The following FER variants were observed in gnomAD, a reference collection of about 807,000 sequenced individuals.
FER encodes FER tyrosine kinase.
A neutral mutation model predicts 111.0 loss-of-function variants in FER; 63 were observed. The observed-to-expected ratio is 0.57, with a 90% CI of 0.46 to 0.70. The LOEUF is 0.70. Ranked by LOEUF, FER falls within the 30% of genes least tolerant of loss-of-function variation. The probability of loss-of-function intolerance (pLI) is 0.00; values close to 1 mark genes in which losing one functional copy is unlikely to be tolerated. For synonymous variants in FER, 327 were observed against 313.9 expected (o/e 1.04, Z -0.44); for missense variants, 914 against 954.0 (o/e 0.96, Z 0.55).
At position 108,785,022 on chromosome 5, in the gene FER, A is replaced by G. The variant is rs199858273; in HGVS notation, c.-59-13102A>G. On this transcript the variant is annotated intron_variant, in intron 2 of 19. Transcript: ENST00000281092. Reference sequence around the variant, plus strand: ...GTTCCCAACACCTGGGTGTATGCAGATACACTGTCTAGTATGAGAGTCACA... The same window carrying G: ...GTTCCCAACACCTGGGTGTATGCAGGTACACTGTCTAGTATGAGAGTCACA... The G allele has an allele frequency of 5.8e-5, 19 of 327,530 alleles. No homozygotes were observed. The East Asian group carries it at 1.3e-3, about 22-fold the overall frequency. 20.3% of individuals were successfully genotyped at this position (327,530 alleles called of 1,614,324 possible).
intron 17 of FER, among the ~76,000 whole-genome samples, chr5:109,173,614 G>C (rs1757363931): frequency 6.6e-6 from 1 of 152,132 alleles, no homozygotes; most frequent in Non-Finnish European, 1.5e-5. Context: ...ACCCAGGCCT[G>C]CTCAACCAGT....
chr5:109,034,730 C>T (rs1404419213), intron 13 of FER, among the ~76,000 whole-genome samples: 1 of 151,892 alleles, frequency 6.6e-6, no homozygotes, highest in Admixed American at 6.6e-5. Context: ...CAGTGGTTTG[C>T]ACTACAAGGA....
At chr5:109,038,104 A>G (rs990442582) in intron 14 of FER, among the ~76,000 whole-genome samples, 1 of 151,932 alleles carries the variant, frequency 6.6e-6, no homozygotes, top group Non-Finnish European at 1.5e-5. Flanking sequence ...AGTCAAGTAT[A>G]TGTTATTTAA....
chr5:108,853,933 T>TA (rs1415644006), intron 5 of FER, among the ~76,000 whole-genome samples: 1 of 152,230 alleles, frequency 6.6e-6, no homozygotes, highest in African/African-American at 2.4e-5. Flanking sequence ...AGGAGACAGT[T>TA]ACTTCCAGGC....
chr5:108,953,683 G>A (rs1581374049), intron 11 of FER, among the ~76,000 whole-genome samples: 3 of 151,962 alleles, frequency 2.0e-5, no homozygotes, highest in Admixed American at 2.0e-4. Context: ...GCCCTACCTA[G>A]AATTTATATC....
At chr5:109,094,508 C>T (rs1226662078) in intron 16 of FER, among the ~76,000 whole-genome samples, 1 of 152,026 alleles carries the variant, frequency 6.6e-6, no homozygotes, top group African/African-American at 2.4e-5. Context: ...TGGTCCAAGT[C>T]ATTTCATATA....
At chr5:108,764,317 A>G (rs1357768504) in intron 1 of FER, among the ~76,000 whole-genome samples, 1 of 152,090 alleles carries the variant, frequency 6.6e-6, no homozygotes, top group Admixed American at 6.5e-5. Flanking sequence ...TACTTCATTT[A>G]TTTTTTACCT....
chr5:108,931,395 A>G lies in FER; in HGVS notation c.1237-14735A>G, dbSNP rs558053029. On this transcript the variant is annotated intron_variant, in intron 10 of 19. Coordinates refer to ENST00000281092, the MANE Select transcript of FER (RefSeq NM_005246.4). ...AGCTACACTGAGATTTAATAAACTTATGTCACTGAACGAAGGATTTCTGAA... is the reference window on the plus strand; with the variant it reads ...AGCTACACTGAGATTTAATAAACTTGTGTCACTGAACGAAGGATTTCTGAA... Among the ~76,000 whole-genome samples the G allele has an allele frequency of 9.9e-5, 15 of 152,266 alleles. No homozygotes were observed. In the South Asian group the frequency reaches 3.1e-3, roughly 32 times the overall value.
intron 5 of FER, among the ~76,000 whole-genome samples, chr5:108,864,959 T>C: frequency 6.6e-6 from 1 of 151,964 alleles, no homozygotes; most frequent in Non-Finnish European, 1.5e-5. Context: ...AGTATGGCCA[T>C]TTTCACGATA....
At chr5:109,080,818 C>T (rs74395688) in intron 16 of FER, among the ~76,000 whole-genome samples, 13,288 of 152,000 alleles carry the variant, frequency 0.087, 716 homozygotes, top group Non-Finnish European at 0.13. Flanking sequence ...AAGATTGGAT[C>T]GAGAGTTGAG....
At chr5:109,101,031 G>A (rs922498946) in intron 17 of FER, among the ~76,000 whole-genome samples, 3 of 151,872 alleles carry the variant, frequency 2.0e-5, no homozygotes, top group Admixed American at 6.6e-5. Flanking sequence ...TCATGGCATC[G>A]TATTGAGAAA....
chr5:108,894,346 A>G (rs1581092429), intron 9 of FER: 1 of 980,224 alleles, frequency 1.0e-6, no homozygotes, highest in Middle Eastern at 4.0e-4. Context: ...AGGAGCCATC[A>G]CTGTTTCTGC....
At chr5:109,135,913 C>A (rs1202730569) in intron 17 of FER, among the ~76,000 whole-genome samples, 1 of 152,006 alleles carries the variant, frequency 6.6e-6, no homozygotes, top group Non-Finnish European at 1.5e-5. Context: ...GACCTTACTT[C>A]CTTCTGCTTG....
At chr5:109,120,707 A>T (rs1002613213) in intron 17 of FER, among the ~76,000 whole-genome samples, 1 of 152,048 alleles carries the variant, frequency 6.6e-6, no homozygotes. Context: ...GGACTTTTTA[A>T]CAATATTGAT....
intron 17 of FER, among the ~76,000 whole-genome samples, chr5:109,160,944 C>CTTGATATA (rs1755923911): frequency 6.6e-6 from 1 of 152,108 alleles, no homozygotes; most frequent in Non-Finnish European, 1.5e-5. Context: ...AAAGCCACAC[C>CTTGATATA]TTGATATATT....
At chr5:108,984,846 C>G (rs1762392465) in intron 13 of FER, among the ~76,000 whole-genome samples, 1 of 151,848 alleles carries the variant, frequency 6.6e-6, no homozygotes, top group Non-Finnish European at 1.5e-5. Flanking sequence ...CAGTATTATA[C>G]TTTTAAAATG....
intron 5 of FER, among the ~76,000 whole-genome samples, chr5:108,867,279 A>G (rs896659146): frequency 1.1e-4 from 17 of 152,130 alleles, no homozygotes; most frequent in Non-Finnish European, 1.5e-4. Flanking sequence ...GGAAGGAACT[A>G]TCTGTTCTTA....
intron 10 of FER, among the ~76,000 whole-genome samples, chr5:108,906,266 T>C (rs1371207701): frequency 6.6e-6 from 1 of 152,220 alleles, no homozygotes; most frequent in East Asian, 1.9e-4. Context: ...AATAAGTTAA[T>C]GTGTGTGCTT....
chr5:108,798,643 T>G (rs1049896356), intron 3 of FER, among the ~76,000 whole-genome samples: 4 of 152,030 alleles, frequency 2.6e-5, no homozygotes, highest in African/African-American at 9.7e-5. Context: ...AGCCTAGGAG[T>G]TTGAGACCAG....
Sources: allele counts gnomAD v4.1 joint callset (sites outside exome capture counted in the v4.1 genomes callset), GRCh38; gene constraint gnomAD v4.1.1; transcripts MANE v1.5; gene names NCBI Gene and HGNC (gene_info 2026-07-23, HGNC 2026-07-21).